The following ZNF804B variants were observed in gnomAD, a reference collection of about 807,000 sequenced individuals.
The protein encoded by ZNF804B is zinc finger protein 804B, also known as zinc finger 804B.
ZNF804B carries 80 observed loss-of-function variants against 101.4 expected under a neutral mutation model. That is an observed-to-expected ratio of 0.79 (90% CI 0.66 to 0.95). The LOEUF (loss-of-function observed/expected upper bound fraction) is 0.95. Ranked by LOEUF, ZNF804B falls within the 40% of genes least tolerant of loss-of-function variation. The probability of loss-of-function intolerance (pLI) is 0.00; values close to 1 mark genes in which losing one functional copy is unlikely to be tolerated. For synonymous variants in ZNF804B, 622 were observed against 558.8 expected (o/e 1.11, Z -1.59); for missense variants, 1,673 against 1,561.9 (o/e 1.07, Z -1.20).
At chr7:89,111,631 GT>G (rs1481169800) in intron 1 of ZNF804B, among the ~76,000 whole-genome samples, 2 of 152,012 alleles carry the variant, frequency 1.3e-5, no homozygotes, top group African/African-American at 4.8e-5. Context: ...TCACATATGT[GT>G]TTTGCAAATA....
intron 1 of ZNF804B, among the ~76,000 whole-genome samples, chr7:88,823,364 G>A (rs916192792): frequency 6.6e-6 from 1 of 152,122 alleles, no homozygotes; most frequent in South Asian, 2.1e-4. Context: ...AAACAGCCTG[G>A]ACAGTAATTT....
chr7:88,891,625 T>A (rs768149443), intron 1 of ZNF804B, among the ~76,000 whole-genome samples: 1 of 151,598 alleles, frequency 6.6e-6, no homozygotes, highest in African/African-American at 2.4e-5. Flanking sequence ...TAAGTAGATT[T>A]TTTTTTTTTA....
chr7:89,000,943 C>A (rs1358595957), intron 1 of ZNF804B, among the ~76,000 whole-genome samples: 1 of 145,964 alleles, frequency 6.9e-6, no homozygotes, highest in Non-Finnish European at 1.5e-5. Context: ...GTATAGTGAT[C>A]CAAAAGATAG....
chr7:88,947,836 G>A (rs1793159888), intron 1 of ZNF804B, among the ~76,000 whole-genome samples: 1 of 151,846 alleles, frequency 6.6e-6, no homozygotes, highest in Non-Finnish European at 1.5e-5. Flanking sequence ...TCTACACTGT[G>A]CCATTTCACA....
Position 89,145,840 on chromosome 7 carries a change from G to A in ZNF804B, c.109-72315G>A, listed in dbSNP as rs570819764. On this transcript the variant is annotated intron_variant, in intron 1 of 3. Coordinates refer to ENST00000333190, the MANE Select transcript of ZNF804B (RefSeq NM_181646.5). ...AATCCTCTTTTTTCATTTTTGGTTAGTTATATAAAGCTTAGGATAAGGAAT... is the reference window on the plus strand; with the variant it reads ...AATCCTCTTTTTTCATTTTTGGTTAATTATATAAAGCTTAGGATAAGGAAT... Among the ~76,000 whole-genome samples the A allele has an allele frequency of 7.6e-4, 116 of 151,860 alleles. 1 individual carries two copies. Among genetic ancestry groups the A allele is most frequent in the African/African-American group, 2.7e-3 (110 of 41,454 alleles).
At chr7:89,102,614 G>C (rs888808579) in intron 1 of ZNF804B, among the ~76,000 whole-genome samples, 2 of 151,674 alleles carry the variant, frequency 1.3e-5, no homozygotes, top group African/African-American at 4.8e-5. Context: ...TTGTAAACAG[G>C]TTCTCCCATT....
chr7:89,003,673 T>G (rs1177531160), intron 1 of ZNF804B, among the ~76,000 whole-genome samples: 1 of 151,952 alleles, frequency 6.6e-6, no homozygotes, highest in Non-Finnish European at 1.5e-5. Flanking sequence ...GATGCCAGAA[T>G]CAGAATGAAA....
intron 2 of ZNF804B, among the ~76,000 whole-genome samples, chr7:89,258,360 C>A (rs1421263556): frequency 6.6e-6 from 1 of 152,070 alleles, no homozygotes; most frequent in African/African-American, 2.4e-5. Flanking sequence ...CAGAATCCTG[C>A]TCTGCTAGTC....
intron 1 of ZNF804B, among the ~76,000 whole-genome samples, chr7:88,917,049 GAA>G (rs1266825965): frequency 6.6e-6 from 1 of 152,098 alleles, no homozygotes; most frequent in Non-Finnish European, 1.5e-5. Context: ...TGGATCACCT[GAA>G]GTCAGGAGTT....
chr7:88,978,934 C>A (rs1793656763), intron 1 of ZNF804B, among the ~76,000 whole-genome samples: 1 of 150,794 alleles, frequency 6.6e-6, no homozygotes, highest in South Asian at 2.1e-4. Flanking sequence ...GTTTGTGTAT[C>A]CATTGTGGGT....
intron 1 of ZNF804B, among the ~76,000 whole-genome samples, chr7:89,114,622 CAT>C (rs1476976149): frequency 6.6e-6 from 1 of 152,148 alleles, no homozygotes; most frequent in Non-Finnish European, 1.5e-5. Context: ...AGGATTCACT[CAT>C]AGAGAATTTA....
At chr7:89,281,466 AT>A (rs1159024982) in intron 2 of ZNF804B, among the ~76,000 whole-genome samples, 1 of 152,226 alleles carries the variant, frequency 6.6e-6, no homozygotes, top group African/African-American at 2.4e-5. Flanking sequence ...ATTTAGGATG[AT>A]TTGTAAAAAT....
At chr7:88,978,844 T>A (rs1793655667) in intron 1 of ZNF804B, among the ~76,000 whole-genome samples, 1 of 140,944 alleles carries the variant, frequency 7.1e-6, no homozygotes, top group African/African-American at 2.5e-5. Context: ...CTTTCCTTCT[T>A]TCCTTCCTTT....
intron 1 of ZNF804B, among the ~76,000 whole-genome samples, chr7:89,158,601 C>G (rs1791012657): frequency 6.6e-6 from 1 of 152,082 alleles, no homozygotes; most frequent in South Asian, 2.1e-4. Context: ...GAATACAAAT[C>G]TTCTTCATCT....
chr7:88,877,049 ATTTTTTTTTTTTTT>A (rs869097226), intron 1 of ZNF804B, among the ~76,000 whole-genome samples: 7 of 13,912 alleles, frequency 5.0e-4, no homozygotes, highest in Admixed American at 1.5e-3. Context: ...ATATATATAT[ATTTTTTTTTTTTTT>A]TTTTTTTTTT....
At chr7:88,847,519 T>G (rs963528605) in intron 1 of ZNF804B, among the ~76,000 whole-genome samples, 4 of 152,176 alleles carry the variant, frequency 2.6e-5, no homozygotes, top group African/African-American at 9.7e-5. Flanking sequence ...TGGAATAATG[T>G]CTACACAGGT....
At chr7:89,013,102 A>G (rs1788490093) in intron 1 of ZNF804B, among the ~76,000 whole-genome samples, 3 of 152,168 alleles carry the variant, frequency 2.0e-5, no homozygotes, top group Non-Finnish European at 4.4e-5. Context: ...CCCAAGATCC[A>G]ATTACCTCCA....
chr7:89,133,808 G>T (rs542436994), intron 1 of ZNF804B, among the ~76,000 whole-genome samples: 1 of 152,020 alleles, frequency 6.6e-6, no homozygotes, highest in African/African-American at 2.4e-5. Flanking sequence ...ATATAGAAAA[G>T]ATAAATCATA....
chr7:89,332,112 C>A (rs931622142), intron 3 of ZNF804B, among the ~76,000 whole-genome samples: 2 of 151,438 alleles, frequency 1.3e-5, no homozygotes, highest in Admixed American at 1.3e-4. Context: ...AGCACACAAG[C>A]AGATTCATCT....
Sources: allele counts gnomAD v4.1 joint callset (sites outside exome capture counted in the v4.1 genomes callset), GRCh38; gene constraint gnomAD v4.1.1; transcripts MANE v1.5; gene names NCBI Gene and HGNC (gene_info 2026-07-23, HGNC 2026-07-21).